Variants in RPL35A observed in about 807,000 individuals in gnomAD.
RPL35A encodes the protein ribosomal protein L35a, also known as large ribosomal subunit protein eL33.
RPL35A carries 1 observed loss-of-function variant against 16.7 expected under a neutral mutation model. That is an observed-to-expected ratio of 0.06 (90% confidence interval 0.02 to 0.28). The LOEUF (loss-of-function observed/expected upper bound fraction) is 0.28, where lower values mean the gene tolerates loss of function less well. RPL35A is among the 10% of genes least tolerant of loss of function. The pLI is 1.00. For missense variants in RPL35A, 91 were observed against 138.7 expected (o/e 0.66, Z 1.73); for synonymous variants, 58 against 47.0 (o/e 1.23, Z -0.96).
Position 197,950,227 on chromosome 3 carries a change from T to TGAA in RPL35A, c.-33+8_-33+10dup. ...CCATCTTGGCTCCTGTGGAGGTGAG[T>TGAA]GAAGGGTCTGCTGCTGAAATTTGGG... On this transcript the variant is annotated splice_region_variant and intron_variant, in intron 1 of 4. Transcript: ENST00000647248. 2 of 1,231,068 alleles carry TGAA rather than the reference T, an allele frequency of 1.6e-6. No individual in the cohort carries two copies. Among genetic ancestry groups the TGAA allele is most frequent in the Non-Finnish European group, 2.0e-6 (2 of 987,802 alleles). 76.3% of individuals were successfully genotyped at this position (1,231,068 alleles called of 1,614,324 possible). A position where few individuals can be genotyped will look rare whatever the true frequency, so the allele number is the denominator to read the frequency against.
intron 1 of RPL35A, chr3:197,950,423 G>C (rs560109563): frequency 1.2e-6 from 1 of 864,838 alleles, no homozygotes; most frequent in South Asian, 5.5e-5. Flanking sequence ...GGCTGCCCGG[G>C]TTATCCCAGT....
At chr3:197,953,918 T>C in intron 3 of RPL35A, 85 bp from the exon 4 acceptor site, 2 of 1,411,510 alleles carry the variant, frequency 1.4e-6, no homozygotes, top group Non-Finnish European at 2.0e-6. Context: ...TAACCAGGGT[T>C]GAGAGCCACT....
chr3:197,952,162 G>GTTTTTTT (rs1161903755), intron 3 of RPL35A, among the ~76,000 whole-genome samples: 23 of 83,888 alleles, frequency 2.7e-4, no homozygotes, highest in African/African-American at 1.1e-3. Context: ...AAAATTATGG[G>GTTTTTTT]TTTTTTTTTT....
Position 197,950,746 on chromosome 3 carries a change from A to G in RPL35A, c.-32-190A>G, listed in dbSNP as rs942978403. ...TCATTCTGAAGTTTGCTTAGATACC[A>G]GCTGTTCTCTGAGGTTTGAATGTCT... On this transcript the variant is annotated intron_variant, in intron 1 of 4. Coordinates refer to ENST00000647248, the MANE Select transcript of RPL35A (RefSeq NM_000996.4). 15 of 608,726 alleles carry G rather than the reference A, an allele frequency of 2.5e-5. No homozygotes were observed. The East Asian group carries it at 4.1e-4, about 17-fold the overall frequency. The allele number at this position is 608,726 out of a possible 1,614,324, so 37.7% of individuals were successfully genotyped here.
intron 4 of RPL35A, 126 bp from the exon 5 acceptor site, chr3:197,955,624 A>G (rs1347437187): frequency 1.1e-6 from 1 of 873,894 alleles, no homozygotes; most frequent in Admixed American, 1.8e-5. Context: ...GAAGGCTATA[A>G]AAACTTTCCT....
chr3:197,955,265 T>G (rs2109817267), intron 4 of RPL35A, among the ~76,000 whole-genome samples: 1 of 151,862 alleles, frequency 6.6e-6, no homozygotes, highest in Non-Finnish European at 1.5e-5. Flanking sequence ...GTACATGTTT[T>G]TCTTTTTCTT....
At chr3:197,950,311 A>T in intron 1 of RPL35A, 90 bp downstream of exon 1, 1 of 1,229,540 alleles carries the variant, frequency 8.1e-7, no homozygotes, top group Non-Finnish European at 1.0e-6. Context: ...TGCGTATCGG[A>T]GTCTCTGCCA....
chr3:197,950,262 C>G (rs1330002314), intron 1 of RPL35A, 41 bp downstream of exon 1: 2 of 1,230,184 alleles, frequency 1.6e-6, no homozygotes, highest in Non-Finnish European at 2.0e-6. Flanking sequence ...GGGCAAATAA[C>G]CGGAGTAGGT....
chr3:197,951,519 GT>G lies in RPL35A; in HGVS notation c.164+213del, dbSNP rs963377676. 612 of 557,262 alleles carry G rather than the reference GT, an allele frequency of 1.1e-3. 4 individuals carry two copies. The highest frequency in any genetic ancestry group is 1.2e-3 in the Admixed American group (39 of 33,052). The allele number at this position is 557,262 out of a possible 1,614,324, so 34.5% of individuals were successfully genotyped here. A position where few individuals can be genotyped will look rare whatever the true frequency, so the allele number is the denominator to read the frequency against. ...AGGCGCCGGCCACCACGCCCGGCTA[GT>G]TTTTGTATTATTAGTAGAGACAGGG... is the stretch of plus-strand genomic sequence containing the variant. On this transcript the variant is annotated intron_variant, in intron 3 of 4. Transcript: ENST00000647248.
chr3:197,952,764 G>A (rs533999058), intron 3 of RPL35A: 2 of 152,222 alleles, frequency 1.3e-5, no homozygotes, highest in African/African-American at 4.8e-5. Flanking sequence ...AGAGTGCTGG[G>A]ATTATAGCGC....
intron 1 of RPL35A, 53 bp from the exon 2 acceptor site, chr3:197,950,883 G>A (rs1397056905): frequency 1.9e-6 from 3 of 1,566,372 alleles, no homozygotes; most frequent in African/African-American, 1.4e-5. Flanking sequence ...GAGGGGACGA[G>A]GTGGGAAACT....
chr3:197,953,820 A>C, intron 3 of RPL35A, 183 bp from the exon 4 acceptor site: 1 of 655,150 alleles, frequency 1.5e-6, no homozygotes, highest in South Asian at 1.8e-5. Context: ...ATTTTACAGA[A>C]GGGCCTGGCA....
intron 4 of RPL35A, 174 bp downstream of exon 4, chr3:197,954,321 G>A (rs1560123582): frequency 5.5e-6 from 4 of 724,944 alleles, no homozygotes; most frequent in Admixed American, 2.6e-5. Flanking sequence ...TTAGGTGTTT[G>A]GTTGTTTGTT....
chr3:197,954,608 C>G (rs984174533), intron 4 of RPL35A, among the ~76,000 whole-genome samples: 1 of 152,148 alleles, frequency 6.6e-6, no homozygotes, highest in Non-Finnish European at 1.5e-5. Flanking sequence ...CTCCAAAGTT[C>G]ATGTGATTCT....
At position 197,951,325 on chromosome 3, in the gene RPL35A, A is replaced by T. The variant is rs1361966309; in HGVS notation, c.164+14A>T. ...TAAAGCAAAGAAGTAAGTTTATGACACTGGTAGGTTTTGGGTTTTTGAGAT... is the reference window on the plus strand; with the variant it reads ...TAAAGCAAAGAAGTAAGTTTATGACTCTGGTAGGTTTTGGGTTTTTGAGAT... On this transcript the variant is annotated intron_variant, in intron 3 of 4. Transcript: ENST00000647248. 2 of 1,613,644 alleles carry T rather than the reference A, an allele frequency of 1.2e-6. No homozygotes were observed.
intron 2 of RPL35A, 65 bp from the exon 3 acceptor site, chr3:197,951,094 G>C (rs1238878998): frequency 3.7e-6 from 6 of 1,608,138 alleles, no homozygotes; most frequent in Non-Finnish European, 5.1e-6. Flanking sequence ...TTGGGTGGGG[G>C]TGATTACAAG....
At chr3:197,950,840 T>C (rs1720006971) in intron 1 of RPL35A, 96 bp from the exon 2 acceptor site, 2 of 1,115,598 alleles carry the variant, frequency 1.8e-6, no homozygotes, top group East Asian at 2.4e-5. Flanking sequence ...GAAACTCCCA[T>C]CCAAAAGGAA....
rs561776924 is a variant in RPL35A, at chr3:197,955,825, G to A, written c.*52G>A. 2.5e-5 allele frequency: 36 copies of A among 1,449,260 alleles called. No homozygotes were observed. The highest frequency in any genetic ancestry group is 2.9e-6 in the Non-Finnish European group (3 of 1,032,426). 89.8% of individuals were successfully genotyped at this position (1,449,260 alleles called of 1,614,324 possible). On this transcript the variant is annotated 3_prime_UTR_variant, in exon 5 of 5. Transcript: ENST00000647248. ...TGGATTTGTGCTCTTGTATTTTTAA[G>A]TGGATTAAAAAACTTACTACCTTAA... is the stretch of plus-strand genomic sequence containing the variant.
chr3:197,955,815 G>T lies in RPL35A; in HGVS notation c.*42G>T, dbSNP rs1230514995. Reference sequence around the variant, plus strand: ...TAAATAAATGTGGATTTGTGCTCTTGTATTTTTAAGTGGATTAAAAAACTT... The same window carrying T: ...TAAATAAATGTGGATTTGTGCTCTTTTATTTTTAAGTGGATTAAAAAACTT... On this transcript the variant is annotated 3_prime_UTR_variant, in exon 5 of 5. Coordinates refer to ENST00000647248, the MANE Select transcript of RPL35A (RefSeq NM_000996.4). 6.7e-7 allele frequency: 1 copy of T among 1,484,892 alleles called. No homozygotes were observed. Among genetic ancestry groups the T allele is most frequent in the Non-Finnish European group, 9.4e-7 (1 of 1,064,716 alleles). The allele number at this position is 1,484,892 out of a possible 1,614,324, so 92.0% of individuals were successfully genotyped here.
Sources: gnomAD v4.1 joint callset for allele counts (sites outside exome capture counted in the v4.1 genomes callset) on GRCh38, gnomAD v4.1.1 for gene constraint, MANE v1.5 for transcripts, NCBI Gene and HGNC (gene_info 2026-07-23, HGNC 2026-07-21) for gene names.